WASHC2C: variants seen among roughly 807,000 people sequenced by gnomAD.
WASHC2C encodes WASH complex subunit 2C.
WASHC2C carries 73 observed loss-of-function variants against 142.2 expected under a neutral mutation model. The ratio of observed to expected loss-of-function variants is 0.51; its 90% CI spans 0.43 to 0.62. The LOEUF (loss-of-function observed/expected upper bound fraction) is 0.62, where lower values mean the gene tolerates loss of function less well. Among genes scored for constraint, WASHC2C ranks in the 20% least tolerant of loss-of-function variants. WASHC2C has a pLI of 0.00. For missense variants in WASHC2C, 969 were observed against 1,531.7 expected (o/e 0.63, Z 6.13); for synonymous variants, 337 against 565.5 (o/e 0.60, Z 5.73).
At chr10:45,763,945 G>A (rs191748302) in intron 18 of WASHC2C, among the ~76,000 whole-genome samples, 6 of 152,130 alleles carry the variant, frequency 3.9e-5, no homozygotes, top group African/African-American at 7.2e-5. Flanking sequence ...CAGGTGATCC[G>A]CCTGCCTCGG....
Position 45,769,462 on chromosome 10 carries a change from T to G in WASHC2C, c.1883T>G (p.Ile628Ser). 6.2e-7 allele frequency: 1 copy of G among 1,610,718 alleles called. No individual in the cohort carries two copies. Among genetic ancestry groups the G allele is most frequent in the Non-Finnish European group, 8.5e-7 (1 of 1,179,410 alleles). ...TTATGTTTTAAGGACCAGTGGAATA[T>G]TCCTGCTTCACAGACCCACTTAGCA... Reference protein sequence around the residue: ...FSSDEEDQWNIPASQTHLASD... With the variant: ...FSSDEEDQWNSPASQTHLASD... The change falls in exon 20 of 31, where the codon ATT becomes AGT. Residue 628 changes from isoleucine to serine, a missense_variant. Coordinates refer to ENST00000623400, the MANE Select transcript of WASHC2C (RefSeq NM_001330074.2).
intron 20 of WASHC2C, 151 bp downstream of exon 20, chr10:45,769,769 ATCT>A (rs1554883954): frequency 2.0e-6 from 1 of 491,118 alleles, no homozygotes; most frequent in East Asian, 1.6e-4. Context: ...CAATGGCACC[ATCT>A]TTTCCCTCAG....
chr10:45,736,108 A>G (rs1216696980), intron 3 of WASHC2C, among the ~76,000 whole-genome samples: 2 of 35,910 alleles, frequency 5.6e-5, no homozygotes, highest in African/African-American at 2.3e-4. Flanking sequence ...CATCTCTACT[A>G]AAAAAAAAAA....
intron 15 of WASHC2C, 74 bp from the exon 16 acceptor site, chr10:45,756,938 A>C: frequency 8.0e-7 from 1 of 1,245,540 alleles, no homozygotes; most frequent in Non-Finnish European, 1.1e-6. Context: ...GGGAGGGAAG[A>C]ATTTTTTAAT....
At chr10:45,775,645 C>A (rs1289342359) in intron 21 of WASHC2C, among the ~76,000 whole-genome samples, 3 of 149,484 alleles carry the variant, frequency 2.0e-5, no homozygotes, top group Non-Finnish European at 4.4e-5. Context: ...ATACTTAAGT[C>A]TCTTTTTGTC....
chr10:45,768,242 A>G (rs868944145), intron 19 of WASHC2C, among the ~76,000 whole-genome samples: 1 of 150,154 alleles, frequency 6.7e-6, no homozygotes, highest in African/African-American at 2.4e-5. Flanking sequence ...AGGAAAAAAA[A>G]AAAAAAAAAA....
At chr10:45,787,549 C>G (rs1489296346) in intron 28 of WASHC2C, among the ~76,000 whole-genome samples, 1 of 150,426 alleles carries the variant, frequency 6.6e-6, no homozygotes, top group Non-Finnish European at 1.5e-5. Flanking sequence ...GTCTTCTAAC[C>G]ACAGAGCAGA....
chr10:45,733,534 TGA>T (rs1355431615), intron 3 of WASHC2C, among the ~76,000 whole-genome samples: 1 of 152,200 alleles, frequency 6.6e-6, no homozygotes, highest in Non-Finnish European at 1.5e-5. Context: ...CATGAAGCTG[TGA>T]GTTTAGCAGG....
intron 20 of WASHC2C, among the ~76,000 whole-genome samples, chr10:45,770,885 T>G (rs1398341821): frequency 1.3e-5 from 2 of 152,168 alleles, no homozygotes; most frequent in Non-Finnish European, 2.9e-5. Context: ...GTTGGGATGA[T>G]GAGGTGGAAT....
intron 28 of WASHC2C, 110 bp from the exon 29 acceptor site, chr10:45,788,761 G>T: frequency 6.4e-7 from 1 of 1,552,790 alleles, no homozygotes; most frequent in Non-Finnish European, 8.8e-7. Flanking sequence ...TATCTTCATT[G>T]AAGTAGACCA....
chr10:45,771,326 C>CTGCACT (rs2135397571), intron 20 of WASHC2C, among the ~76,000 whole-genome samples: 1 of 144,584 alleles, frequency 6.9e-6, no homozygotes, highest in African/African-American at 2.6e-5. Flanking sequence ...GATCTCACCA[C>CTGCACT]TGCACTCCAG....
chr10:45,766,165 T>C (rs1398565947), intron 19 of WASHC2C, among the ~76,000 whole-genome samples: 6 of 150,612 alleles, frequency 4.0e-5, no homozygotes, highest in Admixed American at 6.6e-5. Flanking sequence ...TTACGTAAGA[T>C]AAGTTTTACC....
At chr10:45,774,000 G>A (rs1252882426) in intron 21 of WASHC2C, among the ~76,000 whole-genome samples, 3 of 141,460 alleles carry the variant, frequency 2.1e-5, no homozygotes, top group Admixed American at 7.2e-5. Flanking sequence ...TGAAAGCATC[G>A]ATAGCACATT....
chr10:45,790,429 A>G lies in WASHC2C; in HGVS notation c.3782A>G (p.Asn1261Ser), dbSNP rs2058331205. 6.2e-7 allele frequency: 1 copy of G among 1,610,906 alleles called. No homozygotes were observed. The highest frequency in any genetic ancestry group is 1.3e-5 in the African/African-American group (1 of 74,706). Residue 1261 changes from asparagine to serine, a missense_variant, in exon 30 of 31, where the codon AAT becomes AGT. Coordinates refer to ENST00000623400, the MANE Select transcript of WASHC2C (RefSeq NM_001330074.2). ...GAGAAGGAGAAAACATTGGAATCTAATTTATTTGATGATAACATTGATATC... is the reference window on the plus strand; with the variant it reads ...GAGAAGGAGAAAACATTGGAATCTAGTTTATTTGATGATAACATTGATATC... ...TREKEKTLES[N>S]LFDDNIDIFA...
At chr10:45,751,393 A>G (rs1357245928) in intron 10 of WASHC2C, 89 bp from the exon 11 acceptor site, 1 of 796,776 alleles carries the variant, frequency 1.3e-6, no homozygotes, top group Non-Finnish European at 1.9e-6. Flanking sequence ...CTTAGCTGTG[A>G]GTTATGAGGA....
At chr10:45,731,711 A>G (rs2050604546) in intron 3 of WASHC2C, among the ~76,000 whole-genome samples, 1 of 152,078 alleles carries the variant, frequency 6.6e-6, no homozygotes, top group South Asian at 2.1e-4. Flanking sequence ...GTGGCAAAGC[A>G]TGATAATACT....
At chr10:45,786,889 C>T (rs560524284) in intron 27 of WASHC2C, 146 bp from the exon 28 acceptor site, 19 of 1,591,760 alleles carry the variant, frequency 1.2e-5, no homozygotes, top group Admixed American at 1.7e-5. Flanking sequence ...TGTTTTAATT[C>T]TGAGACTAGA....
At chr10:45,758,421 T>C (rs1185546489) in intron 16 of WASHC2C, among the ~76,000 whole-genome samples, 1 of 152,198 alleles carries the variant, frequency 6.6e-6, no homozygotes, top group African/African-American at 2.4e-5. Context: ...GATGATCTTT[T>C]CTTGACTCAG....
chr10:45,728,857 A>G lies in WASHC2C; in HGVS notation c.127-5A>G. The stretch of plus-strand genomic sequence containing the variant: ...ATACTACTGTATGTTTATTTTTTAA[A>G]ATAGCTACTACAGTTTCTACAGGAA... On this transcript the variant is annotated splice_polypyrimidine_tract_variant and splice_region_variant and intron_variant, in intron 2 of 30. Transcript: ENST00000623400. The G allele has an allele frequency of 6.2e-7, 1 of 1,611,468 alleles. No individual in the cohort carries two copies. Among genetic ancestry groups the G allele is most frequent in the Non-Finnish European group, 8.5e-7 (1 of 1,179,056 alleles).
Sources: gnomAD v4.1 joint callset for allele counts (sites outside exome capture counted in the v4.1 genomes callset) on GRCh38, gnomAD v4.1.1 for gene constraint, MANE v1.5 for transcripts, NCBI Gene and HGNC (gene_info 2026-07-23, HGNC 2026-07-21) for gene names.